The following CCDC178 variants were observed in gnomAD, a reference collection of about 807,000 sequenced individuals.
CCDC178 encodes the protein coiled-coil domain containing 178.
A neutral mutation model predicts 117.4 loss-of-function variants in CCDC178; 126 were observed. That is an observed-to-expected ratio of 1.07 (90% CI 0.93 to 1.24). The LOEUF (loss-of-function observed/expected upper bound fraction) is 1.24, where lower values mean the gene tolerates loss of function less well. Among genes scored for constraint, CCDC178 ranks in the 50% most tolerant of loss-of-function variants. CCDC178 has a pLI of 0.00. For missense variants in CCDC178, 1,030 were observed against 986.9 expected (o/e 1.04, Z -0.59); for synonymous variants, 283 against 313.4 (o/e 0.90, Z 1.02).
intron 21 of CCDC178, among the ~76,000 whole-genome samples, chr18:33,066,921 C>T (rs531097750): frequency 1.3e-5 from 2 of 152,104 alleles, no homozygotes; most frequent in African/African-American, 4.8e-5. Context: ...CTTCAACACC[C>T]CACTCTTAAT....
At chr18:33,014,584 T>A (rs572859936) in intron 21 of CCDC178, among the ~76,000 whole-genome samples, 129 of 152,316 alleles carry the variant, frequency 8.5e-4, no homozygotes, top group African/African-American at 3.0e-3. Flanking sequence ...CTAGAGGACC[T>A]GTATAAGCAG....
At chr18:33,371,052 G>A (rs1480686538) in intron 5 of CCDC178, among the ~76,000 whole-genome samples, 1 of 151,920 alleles carries the variant, frequency 6.6e-6, no homozygotes, top group Non-Finnish European at 1.5e-5. Context: ...TTGACCTTGA[G>A]GGAACAGAGA....
chr18:33,245,576 T>C (rs2059540604), intron 14 of CCDC178, 148 bp from the exon 15 acceptor site: 1 of 904,664 alleles, frequency 1.1e-6, no homozygotes, highest in Non-Finnish European at 1.5e-6. Context: ...ACAGAACATG[T>C]GTCCTAGGAC....
rs760520010 is a variant in CCDC178 at position 32,937,988 on chromosome 18, T to C, written c.*23A>G. The C allele has an allele frequency of 1.9e-6, 3 of 1,555,338 alleles. No homozygotes were observed. Among genetic ancestry groups the C allele is most frequent in the Admixed American group, 1.7e-5 (1 of 59,914 alleles). ...ACTTTTCTTGTCTTTTATTTCAGCA[T>C]CCAAGATACATTGGTTGTTTGCTTA... On this transcript the variant is annotated 3_prime_UTR_variant, in exon 23 of 23. Coordinates refer to ENST00000383096, the MANE Select transcript of CCDC178 (RefSeq NM_001105528.4).
At chr18:33,436,468 G>C (rs2144988209) in intron 2 of CCDC178, among the ~76,000 whole-genome samples, 1 of 152,258 alleles carries the variant, frequency 6.6e-6, no homozygotes, top group African/African-American at 2.4e-5. Flanking sequence ...TTTGTTTTCT[G>C]GTTTTAATGG....
intron 21 of CCDC178, among the ~76,000 whole-genome samples, chr18:33,055,828 G>A (rs1359957060): frequency 2.0e-5 from 3 of 148,034 alleles, no homozygotes; most frequent in African/African-American, 7.6e-5. Context: ...TTTTTGAGAA[G>A]GAGTCTTGCT....
At chr18:33,403,814 A>G (rs1332310963) in intron 3 of CCDC178, among the ~76,000 whole-genome samples, 1 of 152,096 alleles carries the variant, frequency 6.6e-6, no homozygotes, top group African/African-American at 2.4e-5. Context: ...CTAGTTTGAG[A>G]GTTAAAAACT....
chr18:33,270,086 T>C (rs1211093636), intron 12 of CCDC178, among the ~76,000 whole-genome samples: 1 of 151,484 alleles, frequency 6.6e-6, no homozygotes, highest in East Asian at 1.9e-4. Flanking sequence ...GTACAATAAC[T>C]GAACTAAAAA....
intron 20 of CCDC178, among the ~76,000 whole-genome samples, chr18:33,203,916 T>C (rs2059019940): frequency 6.6e-6 from 1 of 152,214 alleles, no homozygotes; most frequent in Non-Finnish European, 1.5e-5. Flanking sequence ...CTTTTAAGAC[T>C]CTATCCAACG....
intron 21 of CCDC178, among the ~76,000 whole-genome samples, chr18:32,980,089 A>G (rs1214690770): frequency 6.6e-6 from 1 of 152,202 alleles, no homozygotes; most frequent in Non-Finnish European, 1.5e-5. Flanking sequence ...TTTTTTAAAA[A>G]AACATGACAC....
chr18:32,953,282 TCTCA>T (rs2054528137), intron 22 of CCDC178, among the ~76,000 whole-genome samples: 1 of 152,208 alleles, frequency 6.6e-6, no homozygotes, highest in Non-Finnish European at 1.5e-5. Flanking sequence ...TCTGAGACCA[TCTCA>T]GACTGGACTT....
At chr18:32,974,409 G>T in intron 22 of CCDC178, 138 bp downstream of exon 22, 1 of 725,884 alleles carries the variant, frequency 1.4e-6, no homozygotes, top group Non-Finnish European at 2.3e-6. Context: ...CATTCTTCAT[G>T]CAATTCCAGT....
chr18:33,314,294 A>G (rs796868016), intron 11 of CCDC178, among the ~76,000 whole-genome samples: 20 of 151,482 alleles, frequency 1.3e-4, no homozygotes, highest in African/African-American at 4.6e-4. Context: ...ACTAGCATTC[A>G]AATCCTTAAT....
rs141556619 is a variant in CCDC178, at chr18:33,215,659, T to C, written c.1969A>G (p.Thr657Ala). Residue 657 changes from threonine to alanine, a missense_variant, in exon 19 of 23, where the codon ACT becomes GCT. Transcript: ENST00000383096. ...RSAIFKDLEA[T>A]KSKTMIFYAK... Reference sequence around the variant, plus strand: ...TAAAAAATCATTGTCTTACTTTTAGTTGCTTCTAGGTCTTTAAAAATTGCT... The same window carrying C: ...TAAAAAATCATTGTCTTACTTTTAGCTGCTTCTAGGTCTTTAAAAATTGCT... 2.9e-5 allele frequency: 44 copies of C among 1,538,692 alleles called. No individual in the cohort carries two copies. The highest frequency in any genetic ancestry group is 3.6e-5 in the Non-Finnish European group (41 of 1,150,222).
At chr18:33,369,401 A>AG (rs1377463898) in intron 6 of CCDC178, among the ~76,000 whole-genome samples, 1 of 151,828 alleles carries the variant, frequency 6.6e-6, no homozygotes, top group Non-Finnish European at 1.5e-5. Context: ...AACAGTGGAG[A>AG]GAAAAAAAAA....
chr18:33,128,010 A>G (rs542629912), intron 20 of CCDC178, among the ~76,000 whole-genome samples: 4 of 152,296 alleles, frequency 2.6e-5, no homozygotes, highest in Admixed American at 2.6e-4. Context: ...TTTCAAGCCA[A>G]TTCAGACTGA....
At chr18:33,370,003 G>A (rs1036298418) in intron 6 of CCDC178, 47 bp downstream of exon 6, 1 of 1,473,644 alleles carries the variant, frequency 6.8e-7, no homozygotes, top group Non-Finnish European at 9.1e-7. Flanking sequence ...TCCTTAGAGG[G>A]TCGATAAAGC....
Position 33,193,121 on chromosome 18 carries a change from G to A in CCDC178, c.2238+18775C>T, listed in dbSNP as rs368395400. ...AAACAAAATACAAAAAAATTAGCCG[G>A]GCGTGGTGGCAGGCGCCTGTAGTCG... On this transcript the variant is annotated intron_variant, in intron 20 of 22. Transcript: ENST00000383096. Among the ~76,000 whole-genome samples the A allele has an allele frequency of 1.3e-4, 19 of 150,728 alleles. No homozygotes were observed. The East Asian group carries it at 3.8e-3, about 30-fold the overall frequency.
chr18:33,408,905 A>C (rs571302366), intron 3 of CCDC178, among the ~76,000 whole-genome samples: 1 of 152,320 alleles, frequency 6.6e-6, no homozygotes, highest in East Asian at 1.9e-4. Context: ...GGTCCTGTTA[A>C]TTGCAATAAA....
Sources: gnomAD v4.1 joint callset for allele counts (sites outside exome capture counted in the v4.1 genomes callset) on GRCh38, gnomAD v4.1.1 for gene constraint, MANE v1.5 for transcripts, NCBI Gene and HGNC (gene_info 2026-07-23, HGNC 2026-07-21) for gene names.